The following TUSC3 variants were observed in gnomAD, a reference collection of about 807,000 sequenced individuals.
The protein encoded by TUSC3 is tumor suppressor candidate 3.
TUSC3 carries 45 observed loss-of-function variants against 44.8 expected under a neutral mutation model. The ratio of observed to expected loss-of-function variants is 1.00; its 90% CI spans 0.79 to 1.29. TUSC3 has a LOEUF of 1.29. TUSC3 is among the 50% of genes most tolerant of loss of function. The probability of loss-of-function intolerance (pLI) is 0.00; values close to 1 mark genes in which losing one functional copy is unlikely to be tolerated. For synonymous variants in TUSC3, 212 were observed against 152.9 expected (o/e 1.39, Z -2.85); for missense variants, 519 against 437.9 (o/e 1.19, Z -1.65).
rs1563201155 is a variant in TUSC3, at chr8:15,743,564, CT to C, written c.891del (p.Leu298Ter). ...LNAAITMGMV[L>X]LNEAATSKGD... ...TGCCGCTATCACCATGGGGATGGTT[CT>C]TCTAAATGAAGCAGCAACTTCGAAA... On this transcript the variant is annotated frameshift_variant, in exon 8 of 11. Transcript: ENST00000503731. LOFTEE classifies it high-confidence loss of function. 1 of 1,613,888 alleles carries C rather than the reference CT, an allele frequency of 6.2e-7. No homozygotes were observed.
chr8:15,705,101 A>G (rs559042450), intron 6 of TUSC3, among the ~76,000 whole-genome samples: 1 of 151,998 alleles, frequency 6.6e-6, no homozygotes, highest in South Asian at 2.1e-4. Flanking sequence ...AAGATAATGT[A>G]AAATGCCCTG....
chr8:15,625,757 A>G (rs1205858803), intron 2 of TUSC3, among the ~76,000 whole-genome samples: 1 of 152,246 alleles, frequency 6.6e-6, no homozygotes, highest in Non-Finnish European at 1.5e-5. Context: ...AGAGTGTTCT[A>G]AAATTTCTAA....
chr8:15,632,985 A>G (rs570732616), intron 2 of TUSC3, among the ~76,000 whole-genome samples: 2 of 152,258 alleles, frequency 1.3e-5, no homozygotes, highest in Admixed American at 1.3e-4. Context: ...TCTTCGTAGG[A>G]AATGATATTT....
At chr8:15,531,736 T>G (rs1245228291) in intron 2 of TUSC3, among the ~76,000 whole-genome samples, 1 of 152,230 alleles carries the variant, frequency 6.6e-6, no homozygotes. Context: ...TGTATTTTGC[T>G]GCTATGTAAC....
At chr8:15,747,613 A>G (rs1811476351) in intron 8 of TUSC3, among the ~76,000 whole-genome samples, 1 of 152,114 alleles carries the variant, frequency 6.6e-6, no homozygotes, top group African/African-American at 2.4e-5. Flanking sequence ...CATCTGCTTT[A>G]GAGTAAAATC....
intron 6 of TUSC3, among the ~76,000 whole-genome samples, chr8:15,697,937 A>G (rs7813301): frequency 0.041 from 6,299 of 152,320 alleles, 375 homozygotes; most frequent in African/African-American, 0.14. Context: ...AGATTATATC[A>G]GAGTTTAATA....
the TUSC3 span, among the ~76,000 whole-genome samples, chr8:15,843,062 G>A: frequency 6.6e-6 from 1 of 152,146 alleles, no homozygotes; most frequent in Non-Finnish European, 1.5e-5. Context: ...AAAGGAAGAG[G>A]AGCGAGGGCT....
chr8:15,804,752 T>C, the TUSC3 span, among the ~76,000 whole-genome samples: 1 of 152,170 alleles, frequency 6.6e-6, no homozygotes, highest in Non-Finnish European at 1.5e-5. Context: ...AAGTTGGGTA[T>C]TGTGATGCCT....
At chr8:15,748,270 T>G (rs946347327) in intron 8 of TUSC3, 105 bp from the exon 9 acceptor site, 2 of 858,716 alleles carry the variant, frequency 2.3e-6, no homozygotes, top group East Asian at 2.4e-5. Context: ...TACCATGAAC[T>G]GTTAAATGTA....
intron 1 of TUSC3, among the ~76,000 whole-genome samples, chr8:15,445,397 G>A (rs1270914682): frequency 1.3e-5 from 2 of 152,068 alleles, no homozygotes; most frequent in African/African-American, 4.8e-5. Context: ...GGACAATAGT[G>A]GTGGGAAGGT....
intron 2 of TUSC3, among the ~76,000 whole-genome samples, chr8:15,639,080 G>T (rs571271959): frequency 6.8e-6 from 1 of 146,202 alleles, no homozygotes; most frequent in African/African-American, 2.7e-5. Flanking sequence ...GCTCGATCAC[G>T]TGATGTTCAG....
At chr8:15,629,112 C>T (rs145385097) in intron 2 of TUSC3, among the ~76,000 whole-genome samples, 37 of 152,058 alleles carry the variant, frequency 2.4e-4, no homozygotes, top group East Asian at 3.9e-4. Flanking sequence ...ACATGATTTT[C>T]GATGGTATAA....
chr8:15,635,388 A>G lies in TUSC3; in HGVS notation c.308+12139A>G, dbSNP rs753531393. 1.9e-4 allele frequency among the ~76,000 whole-genome samples: 29 copies of G among 152,274 alleles called. No individual in the cohort carries two copies. The East Asian group carries it at 3.7e-3, about 19-fold the overall frequency. ...TGAGGTGGCTCAAATGCATGTCACA[A>G]TGCTGGATGCTAGCAGATGTTAGGG... On this transcript the variant is annotated intron_variant, in intron 2 of 10. Coordinates refer to ENST00000503731, the MANE Select transcript of TUSC3 (RefSeq NM_006765.4).
chr8:15,840,401 C>T, the TUSC3 span, among the ~76,000 whole-genome samples: 1 of 151,602 alleles, frequency 6.6e-6, no homozygotes, highest in Admixed American at 6.6e-5. Flanking sequence ...CAATAAATAA[C>T]CACACACACA....
chr8:15,621,781 A>T (rs968736937), intron 1 of TUSC3, among the ~76,000 whole-genome samples: 8 of 89,518 alleles, frequency 8.9e-5, no homozygotes, highest in South Asian at 5.5e-4. Flanking sequence ...TGGGTCTTTT[A>T]AAAAAAAAAC....
chr8:15,634,643 G>C (rs746035297), intron 2 of TUSC3, among the ~76,000 whole-genome samples: 2 of 152,164 alleles, frequency 1.3e-5, no homozygotes, highest in African/African-American at 4.8e-5. Flanking sequence ...GTTTTTTCAT[G>C]TGAGGAAGTC....
chr8:15,759,590 G>A (rs1812087190), intron 10 of TUSC3, among the ~76,000 whole-genome samples: 1 of 152,080 alleles, frequency 6.6e-6, no homozygotes. Flanking sequence ...TCGGTCTCCA[G>A]TAACCACCAG....
chr8:15,471,049 A>G (rs1370250623), intron 1 of TUSC3, among the ~76,000 whole-genome samples: 1 of 152,242 alleles, frequency 6.6e-6, no homozygotes, highest in African/African-American at 2.4e-5. Flanking sequence ...TAAAGGATGC[A>G]GTAAAAAAGT....
chr8:15,835,195 G>A, the TUSC3 span, among the ~76,000 whole-genome samples: 2 of 152,204 alleles, frequency 1.3e-5, no homozygotes, highest in East Asian at 3.9e-4. Context: ...TATTTTTAAA[G>A]AAAATCATCC....
Sources: allele counts gnomAD v4.1 joint callset (sites outside exome capture counted in the v4.1 genomes callset), GRCh38; gene constraint gnomAD v4.1.1; transcripts MANE v1.5; gene names NCBI Gene and HGNC (gene_info 2026-07-23, HGNC 2026-07-21).